Variants in ANKRD28 observed in about 807,000 individuals in gnomAD.
The protein encoded by ANKRD28 is serine/threonine-protein phosphatase 6 regulatory ankyrin repeat subunit A.
In ANKRD28, 44 loss-of-function variants were observed where a neutral mutation model predicts 126.5. The ratio of observed to expected loss-of-function variants is 0.35; its 90% confidence interval spans 0.27 to 0.45. ANKRD28 has a LOEUF of 0.45. Among genes scored for constraint, ANKRD28 ranks in the 20% least tolerant of loss-of-function variants. The pLI, the probability that ANKRD28 is intolerant of heterozygous loss-of-function variation, is 1.00. For synonymous variants in ANKRD28, 442 were observed against 468.5 expected (o/e 0.94, Z 0.73); for missense variants, 1,110 against 1,316.6 (o/e 0.84, Z 2.43).
intron 7 of ANKRD28, among the ~76,000 whole-genome samples, chr3:15,722,619 T>C (rs906261802): frequency 1.3e-5 from 2 of 152,222 alleles, no homozygotes; most frequent in Non-Finnish European, 2.9e-5. Context: ...AGGGTGGCCT[T>C]GTGTGGAAAC....
intron 2 of ANKRD28, among the ~76,000 whole-genome samples, chr3:15,784,338 T>C (rs2059672835): frequency 6.6e-6 from 1 of 152,136 alleles, no homozygotes; most frequent in South Asian, 2.1e-4. Flanking sequence ...TATGCTTATA[T>C]GTAAGTGTAA....
intron 7 of ANKRD28, among the ~76,000 whole-genome samples, chr3:15,721,575 T>C (rs966351789): frequency 2.0e-5 from 3 of 152,254 alleles, no homozygotes; most frequent in Non-Finnish European, 4.4e-5. Flanking sequence ...ACCTTAGTAA[T>C]AAAGTACAGA....
intron 1 of ANKRD28, among the ~76,000 whole-genome samples, chr3:15,855,754 T>C (rs1259506300): frequency 6.6e-6 from 1 of 152,216 alleles, no homozygotes; most frequent in Non-Finnish European, 1.5e-5. Flanking sequence ...AGTAGATTAG[T>C]GGCTGCCAGG....
In ANKRD28 at chr3:15,795,290, G is replaced by T; in HGVS notation, c.134C>A (p.Ala45Asp). Residue 45 changes from alanine (A) to aspartate (D), a missense_variant, in exon 2 of 28, where the codon GCT becomes GAT. Physicochemically the swap from Ala to Asp is moderately radical, Grantham distance 126. Transcript: ENST00000683139. ...SGNVLPSLVQ[A>D]IFNGDPDEVR... ...TTCATCAGGATCTCCGTTAAATATA[G>T]CTTGCACCAGTGATGGCTAAAATAG... 2 of 1,611,124 alleles carry T rather than the reference G, an allele frequency of 1.2e-6. No homozygotes were observed. The highest frequency in any genetic ancestry group is 1.7e-6 in the Non-Finnish European group (2 of 1,177,586).
intron 1 of ANKRD28, among the ~76,000 whole-genome samples, chr3:15,841,533 G>A (rs2061424325): frequency 6.6e-6 from 1 of 152,092 alleles, no homozygotes. Context: ...CTAATTCTCT[G>A]ACAAGGGATT....
chr3:15,696,287 G>T, intron 14 of ANKRD28, 42 bp from the exon 15 acceptor site: 1 of 1,258,818 alleles, frequency 7.9e-7, no homozygotes. Flanking sequence ...CCTAAATCCT[G>T]CATATTAACC....
chr3:15,667,320 TCTC>T lies in ANKRD28; in HGVS notation c.*2947_*2949del, dbSNP rs1322945213. 1 of 152,202 alleles carries T rather than the reference TCTC, an allele frequency of 6.6e-6. No individual in the cohort carries two copies. The highest frequency in any genetic ancestry group is 1.5e-5 in the Non-Finnish European group (1 of 68,030). The allele number at this position is 152,202 out of a possible 1,614,324, so 9.4% of individuals were successfully genotyped here. A position where few individuals can be genotyped will look rare whatever the true frequency, so the allele number is the denominator to read the frequency against. On this transcript the variant is annotated 3_prime_UTR_variant, in exon 28 of 28. Transcript: ENST00000683139. ...CAAAATTTACAGCTACACTTAGAGA[TCTC>T]CTGAACTAAATGGCATTGTTTGAGA...
chr3:15,819,702 TA>T (rs2060903165), intron 1 of ANKRD28, among the ~76,000 whole-genome samples: 1 of 152,192 alleles, frequency 6.6e-6, no homozygotes, highest in African/African-American at 2.4e-5. Context: ...ACCAATGTAT[TA>T]AGAATTACAA....
chr3:15,714,630 G>A lies in ANKRD28; in HGVS notation c.1023C>T (p.His341=). The A allele has an allele frequency of 6.3e-7, 1 of 1,598,586 alleles. No homozygotes were observed. Residue 341 remains histidine, a synonymous_variant, in exon 9 of 28, where the codon CAC becomes CAT. Transcript: ENST00000683139. The stretch of plus-strand genomic sequence containing the variant: ...AGAATCTACCGTGGAGAGCAGTCAT[G>A]TGTAGTGGGGTTTTCCCATCTTTAC... The part of the protein sequence containing the change: ...MKSKDGKTPL[H]MTALHGRFSR...
intron 8 of ANKRD28, among the ~76,000 whole-genome samples, 179 bp from the exon 9 acceptor site, chr3:15,714,835 G>A (rs375153159): frequency 4.0e-4 from 61 of 152,114 alleles, no homozygotes; most frequent in African/African-American, 1.4e-3. Flanking sequence ...TTTTTAGCAC[G>A]TGTATCATAA....
In ANKRD28 at chr3:15,679,572, G is replaced by T; in HGVS notation, c.2390-9C>A. On this transcript the variant is annotated splice_polypyrimidine_tract_variant and intron_variant, in intron 21 of 27. Transcript: ENST00000683139. ...TACACATGTCTCGTGACCTAAATAG[G>T]TGTAAAGAACCAGGTATTAAAATTC... The T allele has an allele frequency of 6.2e-7, 1 of 1,602,288 alleles. No individual in the cohort carries two copies. Among genetic ancestry groups the T allele is most frequent in the Non-Finnish European group, 8.5e-7 (1 of 1,172,702 alleles).
chr3:15,679,617 A>G (rs1400652346), intron 21 of ANKRD28, 54 bp from the exon 22 acceptor site: 11 of 1,385,288 alleles, frequency 7.9e-6, no homozygotes, highest in Middle Eastern at 1.9e-4. Context: ...ACTGGCAAAA[A>G]TCACAGGTAC....
At chr3:15,850,224 T>TATATATAG (rs1418223588) in intron 1 of ANKRD28, among the ~76,000 whole-genome samples, 87 of 35,106 alleles carry the variant, frequency 2.5e-3, no homozygotes, top group African/African-American at 5.3e-3. Context: ...TATATATATA[T>TATATATAG]AGAGAGAGAG....
In ANKRD28 at chr3:15,797,490, C is replaced by T. The variant is rs986835519; in HGVS notation, c.-969G>A. 3.0e-6 allele frequency: 3 copies of T among 984,170 alleles called. No individual in the cohort carries two copies. Among genetic ancestry groups the T allele is most frequent in the East Asian group, 1.1e-4 (1 of 8,742 alleles). 61.0% of individuals were successfully genotyped at this position (984,170 alleles called of 1,614,324 possible). On this transcript the variant is annotated 5_prime_UTR_variant, in exon 1 of 28. Transcript: ENST00000683139. ...GTGTTAGTGGAGAATCCTAGTAGAA[C>T]AAGCAGGCTGTGAAGGAATTAGAAG...
At chr3:15,782,459 T>C (rs1575660475) in intron 2 of ANKRD28, among the ~76,000 whole-genome samples, 1 of 152,104 alleles carries the variant, frequency 6.6e-6, no homozygotes, top group Admixed American at 6.6e-5. Context: ...CTCTGCATCA[T>C]ACACAAATAC....
At chr3:15,786,695 C>T (rs1179865700) in intron 2 of ANKRD28, among the ~76,000 whole-genome samples, 1 of 152,094 alleles carries the variant, frequency 6.6e-6, no homozygotes, top group Non-Finnish European at 1.5e-5. Flanking sequence ...AAAGTTACTT[C>T]ATTTCAGTAT....
chr3:15,832,981 T>C (rs905377324), intron 1 of ANKRD28, among the ~76,000 whole-genome samples: 2 of 152,240 alleles, frequency 1.3e-5, no homozygotes, highest in African/African-American at 4.8e-5. Context: ...ATCACTATTT[T>C]TAGTTCTTTG....
intron 3 of ANKRD28, among the ~76,000 whole-genome samples, chr3:15,759,600 A>T (rs1047657743): frequency 6.6e-6 from 1 of 152,230 alleles, no homozygotes; most frequent in Admixed American, 6.5e-5. Context: ...CAAGTTAAAG[A>T]AAGTGAGTAG....
At chr3:15,735,994 C>T (rs886939077) in intron 5 of ANKRD28, among the ~76,000 whole-genome samples, 4 of 152,194 alleles carry the variant, frequency 2.6e-5, no homozygotes, top group African/African-American at 9.6e-5. Context: ...AATTTCTCCA[C>T]TGGAAGGCTA....
Sources: gnomAD v4.1 joint callset for allele counts (sites outside exome capture counted in the v4.1 genomes callset) on GRCh38, gnomAD v4.1.1 for gene constraint, MANE v1.5 for transcripts, NCBI Gene and HGNC (gene_info 2026-07-23, HGNC 2026-07-21) for gene names.